Variants in EEPD1 observed in about 807,000 individuals in gnomAD.
EEPD1 encodes endonuclease/exonuclease/phosphatase family domain containing 1.
In EEPD1, 17 loss-of-function variants were observed where a neutral mutation model predicts 46.3. That is an observed-to-expected ratio of 0.37 (90% CI 0.25 to 0.55). The LOEUF is 0.55. Ranked by LOEUF, EEPD1 falls within the 20% of genes least tolerant of loss-of-function variation. The pLI is 0.83. For synonymous variants in EEPD1, 313 were observed against 315.6 expected, an observed-to-expected ratio of 0.99 and a Z score of 0.09; for missense variants, 673 against 745.6, an observed-to-expected ratio of 0.90 and a Z score of 1.13.
rs1453649720 is a variant in EEPD1 at position 36,153,579 on chromosome 7, AG to A, written c.-286del. ...GTGACCCACACCCGCGCGGACGCCT[AG>A]GCTGGAGGCAGGGGGCCCGTGCTGT... is the stretch of plus-strand genomic sequence containing the variant. On this transcript the variant is annotated 5_prime_UTR_variant, in exon 1 of 8. Coordinates refer to ENST00000242108, the MANE Select transcript of EEPD1 (RefSeq NM_030636.3). 1 of 152,406 alleles carries A rather than the reference AG, an allele frequency of 6.6e-6. No homozygotes were observed. The highest frequency in any genetic ancestry group is 1.5e-5 in the Non-Finnish European group (1 of 68,218). 9.4% of individuals were successfully genotyped at this position (152,406 alleles called of 1,614,324 possible). A position where few individuals can be genotyped will look rare whatever the true frequency, so the allele number is the denominator to read the frequency against.
At chr7:36,191,557 A>C (rs1785461480) in intron 2 of EEPD1, among the ~76,000 whole-genome samples, 1 of 152,224 alleles carries the variant, frequency 6.6e-6, no homozygotes, top group Non-Finnish European at 1.5e-5. Flanking sequence ...GTGACAGCTG[A>C]AACCAAAGGT....
intron 2 of EEPD1, among the ~76,000 whole-genome samples, chr7:36,162,996 G>A (rs971722424): frequency 2.6e-5 from 4 of 152,188 alleles, no homozygotes; most frequent in African/African-American, 9.7e-5. Context: ...CTAAAAGTGG[G>A]AGGTCTCAGG....
intron 3 of EEPD1, among the ~76,000 whole-genome samples, chr7:36,265,702 G>A (rs1339561443): frequency 6.6e-6 from 1 of 152,028 alleles, no homozygotes; most frequent in Non-Finnish European, 1.5e-5. Flanking sequence ...TTCTTGTTGG[G>A]TGGTTTCTTG....
At chr7:36,207,888 GT>G (rs35062290) in intron 2 of EEPD1, among the ~76,000 whole-genome samples, 70,215 of 122,144 alleles carry the variant, frequency 0.57, 20,308 homozygotes, top group African/African-American at 0.73. Context: ...CAGTGCAGGA[GT>G]TTTTTTTTTT....
At chr7:36,162,759 C>A (rs971844061) in intron 2 of EEPD1, among the ~76,000 whole-genome samples, 1 of 152,160 alleles carries the variant, frequency 6.6e-6, no homozygotes, top group Non-Finnish European at 1.5e-5. Flanking sequence ...CCTGTGAATT[C>A]TATTTTGGTT....
intron 7 of EEPD1, among the ~76,000 whole-genome samples, chr7:36,297,699 C>A (rs1562716829): frequency 6.6e-6 from 1 of 152,146 alleles, no homozygotes. Flanking sequence ...GGTGGACATG[C>A]TGTGAGGTGA....
At chr7:36,201,590 A>C (rs1785713193) in intron 2 of EEPD1, among the ~76,000 whole-genome samples, 1 of 152,152 alleles carries the variant, frequency 6.6e-6, no homozygotes, top group Non-Finnish European at 1.5e-5. Context: ...GTGTTACTGC[A>C]AGGATAAATG....
At chr7:36,205,655 T>A (rs1260987657) in intron 2 of EEPD1, among the ~76,000 whole-genome samples, 2 of 152,232 alleles carry the variant, frequency 1.3e-5, no homozygotes, top group East Asian at 3.8e-4. Flanking sequence ...AAGCATAGAA[T>A]GTGATTTTTC....
rs764050568 is a variant in EEPD1, at chr7:36,284,717, C to T, written c.1073C>T (p.Ala358Val). Residue 358 changes from alanine to valine, a missense_variant, in exon 5 of 8, where the codon GCG becomes GTG. Ala to Val is a moderately conservative substitution (Grantham distance 64). Coordinates refer to ENST00000242108, the MANE Select transcript of EEPD1 (RefSeq NM_030636.3). ...GAGYAGFLWD[A>V]AAGMELRDAG... The stretch of plus-strand genomic sequence containing the variant: ...GGGTATGCAGGATTCCTATGGGACG[C>T]GGCTGCCGGCATGGAGCTGAGAGAC... The T allele has an allele frequency of 2.4e-5, 38 of 1,611,564 alleles. No individual in the cohort carries two copies. Among genetic ancestry groups the T allele is most frequent in the Non-Finnish European group, 2.9e-5 (34 of 1,178,914 alleles).
At chr7:36,252,829 C>CTTTTTTTT (rs71553053) in intron 3 of EEPD1, among the ~76,000 whole-genome samples, 1 of 54,850 alleles carries the variant, frequency 1.8e-5, no homozygotes, top group African/African-American at 7.7e-5. Flanking sequence ...GTGTTCTCTC[C>CTTTTTTTT]TTTTTTTTTT....
At chr7:36,170,653 A>T (rs538931722) in intron 2 of EEPD1, among the ~76,000 whole-genome samples, 5 of 151,582 alleles carry the variant, frequency 3.3e-5, no homozygotes, top group Non-Finnish European at 7.4e-5. Flanking sequence ...CCAAGTGCAA[A>T]GTATTACATA....
At chr7:36,198,415 C>CAAA (rs70977116) in intron 2 of EEPD1, among the ~76,000 whole-genome samples, 4 of 93,650 alleles carry the variant, frequency 4.3e-5, no homozygotes, top group African/African-American at 7.9e-5. Flanking sequence ...TTTAATAAAC[C>CAAA]AAAAAAAAAA....
chr7:36,236,041 C>T (rs1184760698), intron 2 of EEPD1, among the ~76,000 whole-genome samples: 1 of 152,018 alleles, frequency 6.6e-6, no homozygotes, highest in African/African-American at 2.4e-5. Context: ...TCTCCTACCT[C>T]ATCCTCCTGA....
chr7:36,172,142 A>G (rs1785096291), intron 2 of EEPD1, among the ~76,000 whole-genome samples: 1 of 152,096 alleles, frequency 6.6e-6, no homozygotes, highest in African/African-American at 2.4e-5. Flanking sequence ...TTTGTCCACG[A>G]TTCCTAGCTC....
intron 2 of EEPD1, among the ~76,000 whole-genome samples, chr7:36,172,218 T>C (rs1363180559): frequency 1.3e-5 from 2 of 152,204 alleles, no homozygotes; most frequent in East Asian, 3.8e-4. Context: ...CTCAGGAAAG[T>C]AGAATCTCTC....
chr7:36,265,475 G>A (rs927278625), intron 3 of EEPD1, among the ~76,000 whole-genome samples: 3 of 152,258 alleles, frequency 2.0e-5, no homozygotes, highest in African/African-American at 7.2e-5. Flanking sequence ...GGGTGTTCAT[G>A]TAAGAGGGTA....
chr7:36,267,994 G>T lies in EEPD1; in HGVS notation c.931-13121G>T, dbSNP rs149457457. Among the ~76,000 whole-genome samples the T allele has an allele frequency of 4.2e-3, 638 of 152,296 alleles. 2 individuals carry two copies. The highest frequency in any genetic ancestry group is 0.015 in the African/African-American group (610 of 41,564). ...GTGAGCCCCCACCAGGAATGGAATCGCTGGAACCTTGGTCTTGGACCTCCA... is the reference window on the plus strand; with the variant it reads ...GTGAGCCCCCACCAGGAATGGAATCTCTGGAACCTTGGTCTTGGACCTCCA... On this transcript the variant is annotated intron_variant, in intron 3 of 7. Coordinates refer to ENST00000242108, the MANE Select transcript of EEPD1 (RefSeq NM_030636.3).
chr7:36,238,561 G>GT (rs1562697986), intron 2 of EEPD1, among the ~76,000 whole-genome samples: 1 of 152,194 alleles, frequency 6.6e-6, no homozygotes, highest in Non-Finnish European at 1.5e-5. Context: ...GGCGTGGCAT[G>GT]TATCAGAATG....
intron 2 of EEPD1, among the ~76,000 whole-genome samples, chr7:36,186,209 G>T (rs2052263): frequency 3.9e-5 from 6 of 151,944 alleles, no homozygotes; most frequent in East Asian, 1.9e-4. Context: ...CCCACTCTCT[G>T]CTGGGTAGTG....
Sources: gnomAD v4.1 joint callset for allele counts (sites outside exome capture counted in the v4.1 genomes callset) on GRCh38, gnomAD v4.1.1 for gene constraint, MANE v1.5 for transcripts, NCBI Gene and HGNC (gene_info 2026-07-23, HGNC 2026-07-21) for gene names.